ADGB: variants seen among roughly 807,000 people sequenced by gnomAD.
The protein encoded by ADGB is calpain-7-like protein.
ADGB carries 172 observed loss-of-function variants against 210.5 expected under a neutral mutation model. The observed-to-expected ratio is 0.82, with a 90% CI of 0.72 to 0.93. The LOEUF (loss-of-function observed/expected upper bound fraction) is 0.93. Among genes scored for constraint, ADGB ranks in the 40% least tolerant of loss-of-function variants. The pLI is 0.00. For synonymous variants in ADGB, 658 were observed against 662.7 expected (o/e 0.99, Z 0.11); for missense variants, 2,025 against 1,964.8 (o/e 1.03, Z -0.58).
intron 3 of ADGB, among the ~76,000 whole-genome samples, chr6:146,648,281 C>T (rs1250268437): frequency 1.3e-5 from 2 of 151,914 alleles, no homozygotes; most frequent in Non-Finnish European, 1.5e-5. Flanking sequence ...TGAACTCCTG[C>T]ACTCAAGTGA....
At chr6:146,811,170 C>A (rs112393270) in intron 35 of ADGB, among the ~76,000 whole-genome samples, 2,948 of 152,166 alleles carry the variant, frequency 0.019, 84 homozygotes, top group African/African-American at 0.063. Flanking sequence ...CACATAGAAA[C>A]AACCTATTTT....
intron 9 of ADGB, among the ~76,000 whole-genome samples, chr6:146,684,408 G>A (rs1562273641): frequency 6.6e-6 from 1 of 151,970 alleles, no homozygotes; most frequent in Non-Finnish European, 1.5e-5. Context: ...TTGATTAGAG[G>A]ACTTATTGGA....
At chr6:146,727,578 T>G (rs1211175171) in intron 19 of ADGB, among the ~76,000 whole-genome samples, 3 of 152,246 alleles carry the variant, frequency 2.0e-5, no homozygotes, top group African/African-American at 4.8e-5. Context: ...TTTATTTTGG[T>G]CTGTGAGCTC....
At chr6:146,810,511 G>A (rs972427058) in intron 35 of ADGB, among the ~76,000 whole-genome samples, 6 of 152,010 alleles carry the variant, frequency 3.9e-5, no homozygotes. Flanking sequence ...CTCTGTTCAT[G>A]GCAGCATTAT....
At chr6:146,734,165 G>A in intron 22 of ADGB, 135 bp downstream of exon 22, 3 of 933,208 alleles carry the variant, frequency 3.2e-6, no homozygotes, top group African/African-American at 1.7e-5. Flanking sequence ...GAAATTATTT[G>A]AAATCAGGAA....
At chr6:146,814,809 A>G (rs1357309706) in intron 35 of ADGB, among the ~76,000 whole-genome samples, 1 of 152,202 alleles carries the variant, frequency 6.6e-6, no homozygotes, top group African/African-American at 2.4e-5. Flanking sequence ...TTTTTTCTAC[A>G]AATGTTTTTA....
In ADGB at chr6:146,654,125, T is replaced by A. The variant is rs1399154196; in HGVS notation, c.331-10T>A. ...TTATGGAGTAATATATACATATATA[T>A]TTTTTTCAGACTCCAGTAGTTGTGA... On this transcript the variant is annotated splice_polypyrimidine_tract_variant and intron_variant, in intron 3 of 35. Transcript: ENST00000397944. 4 of 1,482,920 alleles carry A rather than the reference T, an allele frequency of 2.7e-6. No individual in the cohort carries two copies. Among genetic ancestry groups the A allele is most frequent in the Non-Finnish European group, 2.8e-6 (3 of 1,089,084 alleles). 91.9% of individuals were successfully genotyped at this position (1,482,920 alleles called of 1,614,324 possible). A position where few individuals can be genotyped will look rare whatever the true frequency, so the allele number is the denominator to read the frequency against.
intron 29 of ADGB, among the ~76,000 whole-genome samples, chr6:146,770,851 T>C (rs891087784): frequency 1.3e-5 from 2 of 152,144 alleles, no homozygotes; most frequent in African/African-American, 4.8e-5. Context: ...GTGGCTGTGC[T>C]ACTGCTCCAT....
chr6:146,679,129 A>T (rs533644871), intron 9 of ADGB, among the ~76,000 whole-genome samples: 4 of 152,292 alleles, frequency 2.6e-5, no homozygotes, highest in African/African-American at 9.6e-5. Context: ...TCCAATGGCC[A>T]CACCTGACTT....
intron 13 of ADGB, among the ~76,000 whole-genome samples, chr6:146,705,472 T>A (rs1455213516): frequency 6.6e-6 from 1 of 152,026 alleles, no homozygotes; most frequent in Non-Finnish European, 1.5e-5. Context: ...AGTTGAGAGG[T>A]TTTTTAATCA....
At chr6:146,772,356 C>T (rs1777662985) in intron 29 of ADGB, among the ~76,000 whole-genome samples, 1 of 149,722 alleles carries the variant, frequency 6.7e-6, no homozygotes, top group East Asian at 1.9e-4. Context: ...AAACTAATGT[C>T]TAATATGGTG....
At chr6:146,736,372 C>T in intron 22 of ADGB, 126 bp from the exon 23 acceptor site, 1 of 597,926 alleles carries the variant, frequency 1.7e-6, no homozygotes, top group South Asian at 2.6e-5. Context: ...GCTAATGAAG[C>T]CTATGACTTT....
intron 35 of ADGB, among the ~76,000 whole-genome samples, chr6:146,804,297 T>A (rs983247377): frequency 6.6e-6 from 1 of 152,020 alleles, no homozygotes; most frequent in Non-Finnish European, 1.5e-5. Context: ...CCAAAGACAC[T>A]AAAGCCTATA....
intron 2 of ADGB, among the ~76,000 whole-genome samples, chr6:146,644,367 AAATT>A (rs1201665893): frequency 6.6e-6 from 1 of 151,914 alleles, no homozygotes; most frequent in African/African-American, 2.4e-5. Context: ...TTACAGTTGA[AAATT>A]AAATAAATAT....
intron 13 of ADGB, among the ~76,000 whole-genome samples, chr6:146,702,481 A>G (rs1264223715): frequency 5.3e-5 from 8 of 151,904 alleles, no homozygotes; most frequent in Admixed American, 5.3e-4. Flanking sequence ...TGTAAAACAA[A>G]TGTAAAGAAA....
chr6:146,676,927 T>G lies in ADGB; in HGVS notation c.1216+486T>G, dbSNP rs190360652. Among the ~76,000 whole-genome samples, 363 of 152,282 alleles carry G rather than the reference T, an allele frequency of 2.4e-3. 3 individuals are homozygous for G. Among genetic ancestry groups the G allele is most frequent in the African/African-American group, 8.3e-3 (344 of 41,586 alleles). On this transcript the variant is annotated intron_variant, in intron 9 of 35. Transcript: ENST00000397944. ...TATATCACAATACTGACAACCACAC[T>G]TTTTTGTGTATCGCATTGTGACTGG...
chr6:146,800,853 T>C (rs1778119828), intron 33 of ADGB, among the ~76,000 whole-genome samples: 1 of 152,190 alleles, frequency 6.6e-6, no homozygotes, highest in Non-Finnish European at 1.5e-5. Flanking sequence ...TTGTTTGTAA[T>C]GAAATTTTGT....
At position 146,733,105 on chromosome 6, in the gene ADGB, A is replaced by ATTAATATAC. The variant is rs61291410; in HGVS notation, c.2521-13_2521-12insAATATACTT. The ATTAATATAC allele has an allele frequency of 6.2e-6, 9 of 1,441,130 alleles. No individual in the cohort carries two copies. The highest frequency in any genetic ancestry group is 1.8e-6 in the Non-Finnish European group (2 of 1,083,358). 89.3% of individuals were successfully genotyped at this position (1,441,130 alleles called of 1,614,324 possible). On this transcript the variant is annotated splice_polypyrimidine_tract_variant and intron_variant, in intron 20 of 35. Coordinates refer to ENST00000397944, the MANE Select transcript of ADGB (RefSeq NM_024694.4). ...ATGGTATTTTCTTGCTATAAAAAAA[A>ATTAATATAC]TTTATGTGTTTCAGGTTTTTCATCT...
chr6:146,808,935 A>G (rs1778256113), intron 35 of ADGB, among the ~76,000 whole-genome samples: 1 of 151,982 alleles, frequency 6.6e-6, no homozygotes, highest in African/African-American at 2.4e-5. Flanking sequence ...AGCTGGGACC[A>G]AGTGGCCATT....
Sources: gnomAD v4.1 joint callset for allele counts (sites outside exome capture counted in the v4.1 genomes callset) on GRCh38, gnomAD v4.1.1 for gene constraint, MANE v1.5 for transcripts, NCBI Gene and HGNC (gene_info 2026-07-23, HGNC 2026-07-21) for gene names.